The following KREMEN1 variants were observed in gnomAD, a reference collection of about 807,000 sequenced individuals.
The protein encoded by KREMEN1 is kremen protein 1.
KREMEN1 carries 30 observed loss-of-function variants against 46.5 expected under a neutral mutation model. The observed-to-expected ratio is 0.65, with a 90% CI of 0.48 to 0.88. The LOEUF is 0.88. KREMEN1 is among the 40% of genes least tolerant of loss of function. KREMEN1 has a pLI of 0.00. For missense variants in KREMEN1, 533 were observed against 596.9 expected (o/e 0.89, Z 1.11); for synonymous variants, 214 against 230.6 (o/e 0.93, Z 0.65).
intron 9 of KREMEN1, among the ~76,000 whole-genome samples, chr22:29,160,376 CA>C (rs132301): frequency 7.7e-4 from 109 of 141,010 alleles, no homozygotes; most frequent in African/African-American, 2.5e-3. Context: ...ACTAAAAATA[CA>C]AAAAAAAAAA....
At chr22:29,115,563 C>G (rs2038225751) in intron 3 of KREMEN1, among the ~76,000 whole-genome samples, 1 of 152,216 alleles carries the variant, frequency 6.6e-6, no homozygotes, top group African/African-American at 2.4e-5. Flanking sequence ...CCACTCCAGG[C>G]CCTGGGAATA....
intron 2 of KREMEN1, 148 bp from the exon 3 acceptor site, chr22:29,098,711 TCCC>T: frequency 1.6e-6 from 1 of 623,996 alleles, no homozygotes; most frequent in Non-Finnish European, 2.9e-6. Flanking sequence ...TACCATTTTT[TCCC>T]TTTTGATGAG....
intron 3 of KREMEN1, among the ~76,000 whole-genome samples, chr22:29,112,314 T>TTGTC (rs1367728724): frequency 1.3e-5 from 2 of 152,088 alleles, no homozygotes; most frequent in Non-Finnish European, 2.9e-5. Context: ...ATGGAGCCCT[T>TTGTC]TGTCTTGTCC....
At chr22:29,121,556 T>C (rs2038357335) in intron 4 of KREMEN1, 75 bp downstream of exon 4, 4 of 1,504,508 alleles carry the variant, frequency 2.7e-6, no homozygotes, top group African/African-American at 2.8e-5. Context: ...AACTTAAAAA[T>C]AAGTGCTAAG....
intron 9 of KREMEN1, among the ~76,000 whole-genome samples, chr22:29,165,714 C>A (rs2039047521): frequency 6.6e-6 from 1 of 152,194 alleles, no homozygotes; most frequent in South Asian, 2.1e-4. Flanking sequence ...TGTTGGAGCT[C>A]TATGGTATGC....
downstream of KREMEN1, among the ~76,000 whole-genome samples, chr22:29,148,858 A>G (rs1382692526): frequency 1.3e-5 from 2 of 151,994 alleles, no homozygotes; most frequent in Non-Finnish European, 2.9e-5. Context: ...TCCCTCATCC[A>G]GCCAGTTTTT....
In KREMEN1 at chr22:29,143,165, CAAAT is replaced by C. The variant is rs2038796585; in HGVS notation, c.*1057_*1060del. On this transcript the variant is annotated 3_prime_UTR_variant, in exon 9 of 9. Transcript: ENST00000400335. ...GACTCTGTCTCAAAAAAACAAAACA[CAAAT>C]AAACAAAAAAAATCCATTCATTTAC... 2 of 983,914 alleles carry C rather than the reference CAAAT, an allele frequency of 2.0e-6. No homozygotes were observed. Among genetic ancestry groups the C allele is most frequent in the South Asian group, 9.4e-5 (2 of 21,234 alleles). The allele number at this position is 983,914 out of a possible 1,614,324, so 60.9% of individuals were successfully genotyped here.
At chr22:29,120,456 G>A (rs2038330515) in intron 3 of KREMEN1, among the ~76,000 whole-genome samples, 1 of 113,276 alleles carries the variant, frequency 8.8e-6, no homozygotes, top group African/African-American at 3.7e-5. Context: ...AAACAGGGAG[G>A]AGGGAGACGT....
intron 6 of KREMEN1, 109 bp downstream of exon 6, chr22:29,137,783 G>A (rs763774331): frequency 2.3e-5 from 19 of 823,508 alleles, no homozygotes; most frequent in Non-Finnish European, 3.2e-5. Flanking sequence ...TGGGCCTCAG[G>A]AACTACTGAC....
chr22:29,104,417 A>G (rs943685462), intron 3 of KREMEN1, among the ~76,000 whole-genome samples: 3 of 152,062 alleles, frequency 2.0e-5, no homozygotes, highest in African/African-American at 7.2e-5. Flanking sequence ...TGGCCTCCCA[A>G]ATTGCTGGGA....
intron 7 of KREMEN1, among the ~76,000 whole-genome samples, chr22:29,139,000 T>C (rs2038715907): frequency 6.6e-6 from 1 of 152,234 alleles, no homozygotes; most frequent in African/African-American, 2.4e-5. Flanking sequence ...CTCCAAAAAT[T>C]AGGCAAGCGT....
intron 3 of KREMEN1, among the ~76,000 whole-genome samples, chr22:29,106,018 G>A (rs1307626510): frequency 6.6e-6 from 1 of 152,210 alleles, no homozygotes; most frequent in African/African-American, 2.4e-5. Flanking sequence ...TCCCTGATAA[G>A]GGTTTTTAAA....
At chr22:29,166,211 G>A (rs2039051566) in intron 9 of KREMEN1, among the ~76,000 whole-genome samples, 1 of 151,076 alleles carries the variant, frequency 6.6e-6, no homozygotes, top group South Asian at 2.1e-4. Flanking sequence ...CTGCTTCTGA[G>A]TGACCAGATG....
chr22:29,089,962 C>T (rs927591833), intron 1 of KREMEN1, among the ~76,000 whole-genome samples: 2 of 152,196 alleles, frequency 1.3e-5, no homozygotes, highest in African/African-American at 4.8e-5. Flanking sequence ...ACCATTCCAT[C>T]GTACTCCCTT....
In KREMEN1 at chr22:29,144,932, C is replaced by T. The variant is rs132280; in HGVS notation, c.*2820C>T. ...CCCAGCGCTTCTCTTCCTGCCTCGCCCTGGCATGGCCCAGCGCCTCTAGGA... is the reference window on the plus strand; with the variant it reads ...CCCAGCGCTTCTCTTCCTGCCTCGCTCTGGCATGGCCCAGCGCCTCTAGGA... On this transcript the variant is annotated 3_prime_UTR_variant, in exon 9 of 9. Transcript: ENST00000400335. 189,057 of 985,452 alleles carry T rather than the reference C, an allele frequency of 0.19. 19,540 individuals are homozygous for T. Among genetic ancestry groups the T allele is most frequent in the Non-Finnish European group, 0.21 (174,388 of 829,952 alleles). The allele number at this position is 985,452 out of a possible 1,614,324, so 61.0% of individuals were successfully genotyped here. A position where few individuals can be genotyped will look rare whatever the true frequency, so the allele number is the denominator to read the frequency against.
At chr22:29,124,682 G>A (rs1478171128) in intron 4 of KREMEN1, among the ~76,000 whole-genome samples, 3 of 152,010 alleles carry the variant, frequency 2.0e-5, no homozygotes, top group Admixed American at 6.6e-5. Context: ...TAGTAGAGAC[G>A]GGGTTTCACT....
intron 2 of KREMEN1, among the ~76,000 whole-genome samples, chr22:29,098,475 T>G (rs901887480): frequency 6.6e-6 from 1 of 152,196 alleles, no homozygotes; most frequent in Non-Finnish European, 1.5e-5. Flanking sequence ...TGACCATTTG[T>G]GTCAGTTTGC....
intron 8 of KREMEN1, 76 bp downstream of exon 8, chr22:29,140,442 C>A: frequency 9.4e-7 from 1 of 1,069,448 alleles, no homozygotes; most frequent in Non-Finnish European, 1.5e-6. Context: ...CTTCATTTGT[C>A]TGGTTACAAC....
At chr22:29,131,750 A>T (rs2038559905) in intron 5 of KREMEN1, among the ~76,000 whole-genome samples, 1 of 133,660 alleles carries the variant, frequency 7.5e-6, no homozygotes, top group Admixed American at 7.5e-5. Context: ...ATATATATGT[A>T]TATATGTATA....
Sources: gnomAD v4.1 joint callset for allele counts (sites outside exome capture counted in the v4.1 genomes callset) on GRCh38, gnomAD v4.1.1 for gene constraint, MANE v1.5 for transcripts, NCBI Gene and HGNC (gene_info 2026-07-23, HGNC 2026-07-21) for gene names.